KCNMB2: variants seen among roughly 807,000 people sequenced by gnomAD.
KCNMB2 encodes the protein calcium-activated potassium channel subunit beta-2.
In KCNMB2, 9 loss-of-function variants were observed where a neutral mutation model predicts 24.5. That is an observed-to-expected ratio of 0.37 (90% CI 0.22 to 0.64). The LOEUF is 0.64. Among genes scored for constraint, KCNMB2 ranks in the 30% least tolerant of loss-of-function variants. KCNMB2 has a pLI of 0.63. For synonymous variants in KCNMB2, 109 were observed against 104.4 expected (o/e 1.04, Z -0.27); for missense variants, 226 against 284.3 (o/e 0.79, Z 1.47).
Position 178,566,734 on chromosome 3 carries a change from T to G in KCNMB2, c.-68+30023T>G, listed in dbSNP as rs370615027. ...GTGTACAAATCCAGGAAACTCCATA[T>G]GAATGTTGCTCAAGTGGGGACATTT... On this transcript the variant is annotated intron_variant, in intron 1 of 4. Coordinates refer to ENST00000452583, the MANE Select transcript of KCNMB2 (RefSeq NM_181361.3). Among the ~76,000 whole-genome samples, 12 of 152,346 alleles carry G rather than the reference T, an allele frequency of 7.9e-5. 1 individual carries two copies. The highest frequency in any genetic ancestry group is 2.9e-4 in the African/African-American group (12 of 41,586).
At chr3:178,748,363 T>A (rs760695146) in intron 1 of KCNMB2, 2 of 152,234 alleles carry the variant, frequency 1.3e-5, no homozygotes, top group African/African-American at 4.8e-5. Context: ...CCTGCTTATG[T>A]CCTAAGAAGG....
chr3:178,742,103 A>C (rs1228620427), intron 1 of KCNMB2, among the ~76,000 whole-genome samples: 1 of 152,248 alleles, frequency 6.6e-6, no homozygotes, highest in Non-Finnish European at 1.5e-5. Flanking sequence ...GAACGATAGC[A>C]TTGAAAGTCA....
intron 1 of KCNMB2, among the ~76,000 whole-genome samples, chr3:178,588,165 G>A (rs1303141980): frequency 1.3e-5 from 2 of 151,916 alleles, no homozygotes; most frequent in South Asian, 2.1e-4. Context: ...ACAACATCAG[G>A]CACCTTGTCA....
chr3:178,745,779 A>G (rs1477629851), intron 1 of KCNMB2, among the ~76,000 whole-genome samples: 4 of 152,214 alleles, frequency 2.6e-5, no homozygotes, highest in Non-Finnish European at 5.9e-5. Context: ...GCCCCATGCA[A>G]GTCTGAAATC....
intron 1 of KCNMB2, among the ~76,000 whole-genome samples, chr3:178,672,257 C>T (rs1720925310): frequency 6.6e-6 from 1 of 152,156 alleles, no homozygotes; most frequent in South Asian, 2.1e-4. Flanking sequence ...GGATTCCTTA[C>T]CACACCCCTG....
intron 1 of KCNMB2, among the ~76,000 whole-genome samples, chr3:178,645,983 A>AT (rs1286223952): frequency 2.0e-5 from 3 of 152,020 alleles, no homozygotes; most frequent in Non-Finnish European, 4.4e-5. Context: ...GAGGGCACAT[A>AT]TTTTTTTCCG....
chr3:178,841,647 A>C (rs1232225582), intron 4 of KCNMB2: 1 of 152,244 alleles, frequency 6.6e-6, no homozygotes, highest in Non-Finnish European at 1.5e-5. Context: ...GAGAGAGAAC[A>C]TGAGAGAAGA....
At chr3:178,687,739 C>G (rs901673385) in intron 1 of KCNMB2, among the ~76,000 whole-genome samples, 2 of 152,012 alleles carry the variant, frequency 1.3e-5, no homozygotes, top group African/African-American at 2.4e-5. Flanking sequence ...AATTTTGACA[C>G]TTTTAGTACT....
At chr3:178,782,562 T>C (rs1379204701) in intron 1 of KCNMB2, among the ~76,000 whole-genome samples, 3 of 147,264 alleles carry the variant, frequency 2.0e-5, no homozygotes, top group African/African-American at 7.4e-5. Flanking sequence ...CATTTTTTCA[T>C]GTGTTTTTTG....
At chr3:178,735,542 G>A (rs1484194759) in intron 1 of KCNMB2, among the ~76,000 whole-genome samples, 1 of 152,222 alleles carries the variant, frequency 6.6e-6, no homozygotes, top group African/African-American at 2.4e-5. Context: ...CCGAGTTCAA[G>A]TTCCAGCTCC....
At chr3:178,805,915 G>A (rs1713949812) in intron 1 of KCNMB2, among the ~76,000 whole-genome samples, 1 of 152,106 alleles carries the variant, frequency 6.6e-6, no homozygotes, top group Non-Finnish European at 1.5e-5. Flanking sequence ...TGGGATTATA[G>A]GCATAAGCCA....
At chr3:178,606,131 T>C (rs1218896978) in intron 1 of KCNMB2, among the ~76,000 whole-genome samples, 2 of 152,198 alleles carry the variant, frequency 1.3e-5, no homozygotes, top group East Asian at 3.9e-4. Context: ...TTACGTCTTA[T>C]AGGACAGGAC....
In KCNMB2 at chr3:178,619,246, G is replaced by T. The variant is rs1324587646; in HGVS notation, c.-68+82535G>T. Among the ~76,000 whole-genome samples the T allele has an allele frequency of 2.1e-4, 32 of 152,122 alleles. 1 individual carries two copies. Among genetic ancestry groups the T allele is most frequent in the Admixed American group, 2.1e-3 (32 of 15,274 alleles). ...TCTTTCCTTAGCTGCAGGTATGGCA[G>T]ATATATTTAAAATAAGCAACTGTTC... On this transcript the variant is annotated intron_variant, in intron 1 of 4. Coordinates refer to ENST00000452583, the MANE Select transcript of KCNMB2 (RefSeq NM_181361.3).
intron 1 of KCNMB2, among the ~76,000 whole-genome samples, chr3:178,629,211 T>C (rs1719226374): frequency 6.6e-6 from 1 of 152,212 alleles, no homozygotes; most frequent in Admixed American, 6.5e-5. Flanking sequence ...TTGTCTTCTA[T>C]ACATAGTCTT....
intron 2 of KCNMB2, among the ~76,000 whole-genome samples, chr3:178,815,425 A>C (rs551148870): frequency 6.6e-6 from 1 of 152,210 alleles, no homozygotes; most frequent in East Asian, 1.9e-4. Flanking sequence ...CACCCAGCCT[A>C]AATTTTCTTA....
intron 1 of KCNMB2, among the ~76,000 whole-genome samples, chr3:178,662,666 G>T (rs1560154267): frequency 2.6e-5 from 4 of 152,092 alleles, no homozygotes; most frequent in Non-Finnish European, 5.9e-5. Context: ...CACAGAGGAA[G>T]TGTGAGTATG....
intron 1 of KCNMB2, among the ~76,000 whole-genome samples, chr3:178,702,497 AT>A (rs893992671): frequency 6.7e-5 from 10 of 150,244 alleles, no homozygotes; most frequent in Non-Finnish European, 1.5e-4. Flanking sequence ...TAATGAGAGA[AT>A]TTGCCTGGTT....
intron 1 of KCNMB2, among the ~76,000 whole-genome samples, chr3:178,771,594 A>G (rs553865075): frequency 7.0e-6 from 1 of 142,766 alleles, no homozygotes; most frequent in South Asian, 2.2e-4. Context: ...CAACCCTCCC[A>G]ATCTTGGCCT....
chr3:178,613,930 A>G (rs997841869), intron 1 of KCNMB2, among the ~76,000 whole-genome samples: 1 of 151,814 alleles, frequency 6.6e-6, no homozygotes, highest in Non-Finnish European at 1.5e-5. Flanking sequence ...TTTGAGGACA[A>G]TAACTCTTAG....
Sources: allele counts gnomAD v4.1 joint callset (sites outside exome capture counted in the v4.1 genomes callset), GRCh38; gene constraint gnomAD v4.1.1; transcripts MANE v1.5; gene names NCBI Gene and HGNC (gene_info 2026-07-23, HGNC 2026-07-21).